The following ZNF804B variants were observed in gnomAD, a reference collection of about 807,000 sequenced individuals.
ZNF804B encodes zinc finger protein 804B.
A neutral mutation model predicts 101.4 loss-of-function variants in ZNF804B; 80 were observed. The ratio of observed to expected loss-of-function variants is 0.79; its 90% CI spans 0.66 to 0.95. ZNF804B has a LOEUF of 0.95. ZNF804B is among the 40% of genes least tolerant of loss of function. ZNF804B has a pLI of 0.00. For synonymous variants in ZNF804B, 622 were observed against 558.8 expected (o/e 1.11, Z -1.59); for missense variants, 1,673 against 1,561.9 (o/e 1.07, Z -1.20).
intron 1 of ZNF804B, among the ~76,000 whole-genome samples, chr7:89,174,383 A>G (rs549578418): frequency 5.7e-4 from 87 of 152,130 alleles, no homozygotes; most frequent in African/African-American, 1.9e-3. Flanking sequence ...TTCACTTAAT[A>G]TATTCTACAG....
At chr7:88,794,159 G>A (rs1334731307) in intron 1 of ZNF804B, 2 of 1,567,892 alleles carry the variant, frequency 1.3e-6, no homozygotes, top group Non-Finnish European at 8.6e-7. Flanking sequence ...TAAGAGACAT[G>A]GGCACATTAT....
chr7:88,889,702 A>C (rs1168818203), intron 1 of ZNF804B, among the ~76,000 whole-genome samples: 1 of 123,384 alleles, frequency 8.1e-6, no homozygotes, highest in African/African-American at 3.5e-5. Flanking sequence ...ATAGTTGGGG[A>C]ATATTTACTG....
intron 1 of ZNF804B, among the ~76,000 whole-genome samples, chr7:89,198,861 A>T (rs186027140): frequency 1.3e-5 from 2 of 152,118 alleles, no homozygotes. Context: ...CACCATCTGT[A>T]GCAGAAAGCA....
intron 1 of ZNF804B, among the ~76,000 whole-genome samples, chr7:89,035,078 T>C (rs566903366): frequency 7.4e-4 from 113 of 152,264 alleles, no homozygotes; most frequent in Non-Finnish European, 1.3e-3. Context: ...AATGAGCATT[T>C]TGGAGAAATA....
chr7:89,269,434 G>T (rs1210018972), intron 2 of ZNF804B, among the ~76,000 whole-genome samples: 1 of 152,142 alleles, frequency 6.6e-6, no homozygotes, highest in African/African-American at 2.4e-5. Flanking sequence ...TGGTGTATAT[G>T]TGCCACATTT....
At chr7:88,771,005 A>G (rs577886125) in intron 1 of ZNF804B, among the ~76,000 whole-genome samples, 2 of 152,320 alleles carry the variant, frequency 1.3e-5, no homozygotes, top group South Asian at 4.1e-4. Flanking sequence ...TAGTTCTTAT[A>G]TTCTTGATAA....
intron 1 of ZNF804B, among the ~76,000 whole-genome samples, chr7:89,081,286 G>T (rs898339726): frequency 6.6e-6 from 1 of 151,880 alleles, no homozygotes. Flanking sequence ...ATATTAGGCA[G>T]GGTAAGTACT....
intron 3 of ZNF804B, among the ~76,000 whole-genome samples, chr7:89,331,042 C>A (rs1237173245): frequency 1.3e-5 from 2 of 151,026 alleles, no homozygotes; most frequent in East Asian, 3.9e-4. Flanking sequence ...ACTAAAATAA[C>A]TGCATAATAA....
chr7:89,096,873 T>C (rs1583984088), intron 1 of ZNF804B, among the ~76,000 whole-genome samples: 1 of 152,308 alleles, frequency 6.6e-6, no homozygotes, highest in East Asian at 1.9e-4. Context: ...AATTATGCAA[T>C]GAAACTGGCA....
intron 1 of ZNF804B, among the ~76,000 whole-genome samples, chr7:88,964,219 A>AT (rs2116096644): frequency 6.6e-6 from 1 of 151,570 alleles, no homozygotes; most frequent in Non-Finnish European, 1.5e-5. Flanking sequence ...TTGAACAGAT[A>AT]TTTTTACACC....
intron 1 of ZNF804B, among the ~76,000 whole-genome samples, chr7:88,965,095 A>G (rs960629490): frequency 6.6e-6 from 1 of 151,486 alleles, no homozygotes; most frequent in Admixed American, 6.6e-5. Flanking sequence ...TAAATATTAA[A>G]GGGTAGAAAC....
intron 1 of ZNF804B, among the ~76,000 whole-genome samples, chr7:89,103,769 A>T (rs1314901095): frequency 6.6e-6 from 1 of 151,742 alleles, no homozygotes; most frequent in East Asian, 1.9e-4. Context: ...TTATTATGTT[A>T]AATAGGAGTG....
chr7:88,869,042 T>C (rs1010623033), intron 1 of ZNF804B, among the ~76,000 whole-genome samples: 1 of 152,216 alleles, frequency 6.6e-6, no homozygotes, highest in Non-Finnish European at 1.5e-5. Flanking sequence ...GAAGAATCTT[T>C]CTTAAATTCA....
intron 1 of ZNF804B, among the ~76,000 whole-genome samples, chr7:88,854,410 T>TTTCTTTCTTTCTTCCTTC (rs1562812535): frequency 7.5e-6 from 1 of 132,646 alleles, no homozygotes; most frequent in Non-Finnish European, 1.6e-5. Context: ...TTTCTTTCTT[T>TTTCTTTCTTTCTTCCTTC]CTTCCTTTCT....
intron 1 of ZNF804B, among the ~76,000 whole-genome samples, chr7:89,135,833 A>T (rs1328425294): frequency 2.8e-5 from 1 of 35,228 alleles, no homozygotes; most frequent in East Asian, 6.4e-4. Flanking sequence ...TCACTAGCTT[A>T]GATGATGTTC....
At chr7:88,910,421 G>A (rs1232428160) in intron 1 of ZNF804B, among the ~76,000 whole-genome samples, 1 of 151,498 alleles carries the variant, frequency 6.6e-6, no homozygotes, top group Non-Finnish European at 1.5e-5. Flanking sequence ...AGGTAATTAA[G>A]TGTCTATTAG....
At chr7:88,880,011 C>A (rs1433803288) in intron 1 of ZNF804B, among the ~76,000 whole-genome samples, 2 of 151,726 alleles carry the variant, frequency 1.3e-5, no homozygotes, top group Admixed American at 6.6e-5. Context: ...TGCACTCTAG[C>A]CTCTACCCTG....
intron 2 of ZNF804B, among the ~76,000 whole-genome samples, chr7:89,299,574 T>C (rs1790445581): frequency 6.6e-6 from 1 of 151,980 alleles, no homozygotes. Flanking sequence ...AAAAGAAAAA[T>C]ATCCACAACA....
rs5885651 is a variant in ZNF804B at position 89,007,504 on chromosome 7, A to ATATAT, written c.109-210647_109-210646insTTATA. On this transcript the variant is annotated intron_variant, in intron 1 of 3. Transcript: ENST00000333190. ...TATATATGTCAACCTAATATAATAC[A>ATATAT]TATAATTATATATAATATAATATAT... Among the ~76,000 whole-genome samples, 197 of 43,560 alleles carry ATATAT rather than the reference A, an allele frequency of 4.5e-3. 1 individual carries two copies. Among genetic ancestry groups the ATATAT allele is most frequent in the African/African-American group, 0.011 (165 of 15,334 alleles). The allele number at this position is 43,560 out of a possible 152,430, so 28.6% of individuals were successfully genotyped here.
Sources: gnomAD v4.1 joint callset for allele counts (sites outside exome capture counted in the v4.1 genomes callset) on GRCh38, gnomAD v4.1.1 for gene constraint, MANE v1.5 for transcripts, NCBI Gene and HGNC (gene_info 2026-07-23, HGNC 2026-07-21) for gene names.